The following CAPRIN2 variants were observed in gnomAD, a reference collection of about 807,000 sequenced individuals.
CAPRIN2 encodes the protein caprin family member 2.
In CAPRIN2, 66 loss-of-function variants were observed where a neutral mutation model predicts 130.4. The observed-to-expected ratio is 0.51, with a 90% CI of 0.42 to 0.62. CAPRIN2 has a LOEUF of 0.62. Ranked by LOEUF, CAPRIN2 falls within the 20% of genes least tolerant of loss-of-function variation. The pLI is 0.00. For synonymous variants in CAPRIN2, 471 were observed against 444.1 expected (o/e 1.06, Z -0.76); for missense variants, 1,185 against 1,246.6 (o/e 0.95, Z 0.74).
intron 2 of CAPRIN2, among the ~76,000 whole-genome samples, chr12:30,746,570 GGGGT>G (rs1195937918): frequency 6.6e-6 from 1 of 151,510 alleles, no homozygotes; most frequent in African/African-American, 2.4e-5. Context: ...GAGCTTGTGT[GGGGT>G]GAAAGTGCTA....
chr12:30,712,650 A>G (rs2055420581), intron 15 of CAPRIN2, among the ~76,000 whole-genome samples: 1 of 152,154 alleles, frequency 6.6e-6, no homozygotes, highest in African/African-American at 2.4e-5. Flanking sequence ...AAGTTTCACT[A>G]ACTTATCTGA....
intron 3 of CAPRIN2, among the ~76,000 whole-genome samples, 183 bp downstream of exon 4, chr12:30,740,837 A>T (rs1345352345): frequency 6.6e-6 from 1 of 152,212 alleles, no homozygotes; most frequent in Non-Finnish European, 1.5e-5. Flanking sequence ...CTCCCTTGAG[A>T]CTACAGAAAT....
At chr12:30,714,632 G>A (rs2056798487) in intron 14 of CAPRIN2, among the ~76,000 whole-genome samples, 1 of 151,826 alleles carries the variant, frequency 6.6e-6, no homozygotes, top group South Asian at 2.1e-4. Flanking sequence ...TTAGAAAATG[G>A]GCATCTTGTA....
At chr12:30,752,535 A>C (rs1231985835) in intron 1 of CAPRIN2, among the ~76,000 whole-genome samples, 4 of 150,994 alleles carry the variant, frequency 2.6e-5, no homozygotes, top group African/African-American at 9.8e-5. Flanking sequence ...GCTACAGAGA[A>C]GCTACTAGCA....
At chr12:30,739,637 C>T (rs1179554927) in intron 3 of CAPRIN2, among the ~76,000 whole-genome samples, 1 of 152,090 alleles carries the variant, frequency 6.6e-6, no homozygotes, top group Non-Finnish European at 1.5e-5. Flanking sequence ...ATCGCGTGAA[C>T]CCGGGAGGCG....
At chr12:30,740,962 T>G in intron 3 of CAPRIN2, 58 bp downstream of exon 4, 1 of 1,016,992 alleles carries the variant, frequency 9.8e-7, no homozygotes, top group Non-Finnish European at 1.5e-6. Context: ...ACACTGACAT[T>G]TTCTCCAAGA....
intron 4 of CAPRIN2, 131 bp from the exon 6 acceptor site, chr12:30,733,842 G>C: frequency 1.5e-6 from 1 of 653,508 alleles, no homozygotes; most frequent in Non-Finnish European, 2.7e-6. Context: ...TTGCTCTTTG[G>C]AAATAAAAAA....
chr12:30,723,641 T>C (rs193151889), intron 10 of CAPRIN2, among the ~76,000 whole-genome samples: 12 of 152,002 alleles, frequency 7.9e-5, no homozygotes, highest in South Asian at 2.1e-4. Context: ...CTACCATGTA[T>C]AGTAATTAAC....
At chr12:30,736,523 C>A (rs2064898414) in intron 3 of CAPRIN2, among the ~76,000 whole-genome samples, 1 of 151,992 alleles carries the variant, frequency 6.6e-6, no homozygotes, top group Non-Finnish European at 1.5e-5. Flanking sequence ...AGGGGGAAAA[C>A]CTCATGAAAA....
chr12:30,747,164 T>C (rs1442602886), intron 2 of CAPRIN2, among the ~76,000 whole-genome samples: 2 of 152,222 alleles, frequency 1.3e-5, no homozygotes, highest in African/African-American at 2.4e-5. Flanking sequence ...GCACACCTTC[T>C]TACAGCACTG....
intron 6 of CAPRIN2, among the ~76,000 whole-genome samples, chr12:30,730,943 T>C (rs1054631478): frequency 2.6e-5 from 4 of 152,304 alleles, no homozygotes; most frequent in African/African-American, 9.6e-5. Context: ...TAGCACTTTT[T>C]TCCCCTGAAT....
At chr12:30,727,087 T>C (rs994642409) in intron 8 of CAPRIN2, among the ~76,000 whole-genome samples, 2 of 152,196 alleles carry the variant, frequency 1.3e-5, no homozygotes, top group East Asian at 1.9e-4. Context: ...ATTCATCAAA[T>C]AGCATGATAA....
exon 3 of CAPRIN2, chr12:30,741,075 T>C (rs2067230385): frequency 3.7e-6 from 6 of 1,611,280 alleles, no homozygotes; most frequent in Non-Finnish European, 4.2e-6. Flanking sequence ...TTCCAAATTA[T>C]GTAGCACTTC....
chr12:30,748,186 T>A (rs1241984350), intron 2 of CAPRIN2, among the ~76,000 whole-genome samples: 2 of 152,188 alleles, frequency 1.3e-5, no homozygotes, highest in African/African-American at 4.8e-5. Flanking sequence ...GACTCCAATT[T>A]TGAAAAAAGT....
chr12:30,717,651 A>G (rs995174948), intron 12 of CAPRIN2, among the ~76,000 whole-genome samples: 2 of 152,212 alleles, frequency 1.3e-5, no homozygotes, highest in Non-Finnish European at 2.9e-5. Flanking sequence ...TACACCTAAC[A>G]GCAAAAGTTA....
In CAPRIN2 at chr12:30,710,603, CTAGAT is replaced by C; in HGVS notation, c.2666-138_2666-134del. 2 of 1,334,452 alleles carry C rather than the reference CTAGAT, an allele frequency of 1.5e-6. No homozygotes were observed. The highest frequency in any genetic ancestry group is 2.0e-6 in the Non-Finnish European group (2 of 996,828). 82.7% of individuals were successfully genotyped at this position (1,334,452 alleles called of 1,614,324 possible). A position where few individuals can be genotyped will look rare whatever the true frequency, so the allele number is the denominator to read the frequency against. On this transcript the variant is annotated intron_variant, in intron 16 of 16. Coordinates refer to ENST00000298892, the Ensembl canonical transcript of CAPRIN2. This position sits in a 1 kb window ranked among gnomAD's most constrained non-coding sequence, Gnocchi z 4.8. ...ATTCCAAAACAAAAGCAATATATAG[CTAGAT>C]TATACTTTTCTAGATTTTTCTGGTA...
At chr12:30,739,708 C>A (rs1687014757) in intron 3 of CAPRIN2, among the ~76,000 whole-genome samples, 1 of 145,332 alleles carries the variant, frequency 6.9e-6, no homozygotes, top group Admixed American at 6.8e-5. Context: ...GGGCAAGACT[C>A]CGTCTCAAAA....
chr12:30,729,285 T>C (rs747079934), exon 8 of CAPRIN2: 1 of 1,594,782 alleles, frequency 6.3e-7, no homozygotes, highest in Admixed American at 1.8e-5. Context: ...GCCTTGTTTG[T>C]TTGAATAATC....
At chr12:30,752,314 G>A (rs1037717974) in intron 1 of CAPRIN2, among the ~76,000 whole-genome samples, 2 of 152,038 alleles carry the variant, frequency 1.3e-5, no homozygotes, top group Non-Finnish European at 2.9e-5. Context: ...AAAAGTACTC[G>A]TACTATCTGG....
Sources: gnomAD v4.1 joint callset for allele counts (sites outside exome capture counted in the v4.1 genomes callset) on GRCh38, gnomAD v4.1.1 for gene constraint, Gnocchi (gnomAD v3.1) non-coding constraint, MANE v1.5 for transcripts, NCBI Gene and HGNC (gene_info 2026-07-23, HGNC 2026-07-21) for gene names.